Variants in GREB1L observed in about 807,000 individuals in gnomAD.
GREB1L encodes GREB1-like protein.
A neutral mutation model predicts 200.8 loss-of-function variants in GREB1L; 17 were observed. That is an observed-to-expected ratio of 0.08 (90% CI 0.06 to 0.13). GREB1L has a LOEUF of 0.13. GREB1L is among the 10% of genes least tolerant of loss of function. The pLI is 1.00. For missense variants in GREB1L, 1,657 were observed against 2,367.7 expected (o/e 0.70, Z 6.23); for synonymous variants, 789 against 893.0 (o/e 0.88, Z 2.08).
chr18:21,310,935 G>C (rs2144795482), intron 1 of GREB1L, among the ~76,000 whole-genome samples: 1 of 152,318 alleles, frequency 6.6e-6, no homozygotes, highest in South Asian at 2.1e-4. Context: ...CATTATTGTA[G>C]AGGATGAAGT....
At chr18:21,311,004 GA>G (rs2038781454) in intron 1 of GREB1L, among the ~76,000 whole-genome samples, 2 of 152,136 alleles carry the variant, frequency 1.3e-5, no homozygotes, top group Admixed American at 6.5e-5. Context: ...CAAACTTTGA[GA>G]AAACAATATC....
At chr18:21,262,302 A>C (rs2037901922) in intron 1 of GREB1L, among the ~76,000 whole-genome samples, 1 of 152,008 alleles carries the variant, frequency 6.6e-6, no homozygotes. Flanking sequence ...TCCTTCTCCA[A>C]CTTCCTTGCC....
intron 1 of GREB1L, among the ~76,000 whole-genome samples, chr18:21,352,499 T>TGGTGAG (rs2039448389): frequency 6.6e-6 from 1 of 151,106 alleles, no homozygotes; most frequent in East Asian, 1.9e-4. Flanking sequence ...GATGGTGAGA[T>TGGTGAG]CTCGGCTCAC....
At chr18:21,308,702 C>G (rs761424001) in intron 1 of GREB1L, among the ~76,000 whole-genome samples, 62 of 152,366 alleles carry the variant, frequency 4.1e-4, no homozygotes, top group Middle Eastern at 3.4e-3. Context: ...CTGATGCCCA[C>G]TTCCTGAACC....
intron 4 of GREB1L, among the ~76,000 whole-genome samples, chr18:21,392,710 A>G (rs1440095979): frequency 6.6e-6 from 1 of 152,026 alleles, no homozygotes; most frequent in Non-Finnish European, 1.5e-5. Context: ...CCCAAACTAT[A>G]TGGTAAATTT....
At chr18:21,398,184 GACCAT>G (rs1401377447) in intron 5 of GREB1L, among the ~76,000 whole-genome samples, 1 of 152,148 alleles carries the variant, frequency 6.6e-6, no homozygotes. Flanking sequence ...TGAGACCAAA[GACCAT>G]GTGCTTTAGA....
At position 21,490,089 on chromosome 18, in the gene GREB1L, C is replaced by T. The variant is rs1382291794; in HGVS notation, c.2768C>T (p.Thr923Ile). ...QQYSEALMAL[T>I]TMASLRDHST... ...TACTCTGAGGCCCTGATGGCTCTCA[C>T]CACCATGGCGTCACTCCGCGACCAC... The change falls in exon 19 of 33, where the codon ACC becomes ATC. Residue 923 changes from threonine (T) to isoleucine (I), a missense_variant. Coordinates refer to ENST00000424526, the MANE Select transcript of GREB1L (RefSeq NM_001142966.3). 1.9e-6 allele frequency: 3 copies of T among 1,551,808 alleles called. No individual in the cohort carries two copies. Among genetic ancestry groups the T allele is most frequent in the Non-Finnish European group, 2.6e-6 (3 of 1,147,054 alleles).
In GREB1L at chr18:21,500,313, C is replaced by G. The variant is rs770821357; in HGVS notation, c.3969+7C>G. ...GCTGACAGGGCCCCCACAGGTAGGG[C>G]CAAGCCAGCCGGGGCCGTTTCTTAG... On this transcript the variant is annotated splice_region_variant and intron_variant, in intron 22 of 32. Coordinates refer to ENST00000424526, the MANE Select transcript of GREB1L (RefSeq NM_001142966.3). The G allele has an allele frequency of 8.7e-7, 1 of 1,151,022 alleles. No homozygotes were observed. The highest frequency in any genetic ancestry group is 1.3e-5 in the South Asian group (1 of 75,562). 71.3% of individuals were successfully genotyped at this position (1,151,022 alleles called of 1,614,324 possible). A position where few individuals can be genotyped will look rare whatever the true frequency, so the allele number is the denominator to read the frequency against.
At chr18:21,432,743 G>C (rs1406007359) in intron 7 of GREB1L, among the ~76,000 whole-genome samples, 13 of 111,134 alleles carry the variant, frequency 1.2e-4, no homozygotes, top group South Asian at 1.1e-3. Context: ...GTCTCGCTCT[G>C]TCAGCCAGGC....
intron 1 of GREB1L, among the ~76,000 whole-genome samples, chr18:21,272,642 G>A (rs1414261474): frequency 6.6e-6 from 1 of 152,160 alleles, no homozygotes; most frequent in Non-Finnish European, 1.5e-5. Context: ...GACCTCTCCA[G>A]ACAATAAGCA....
At chr18:21,283,805 T>C (rs928095116) in intron 1 of GREB1L, among the ~76,000 whole-genome samples, 2 of 152,242 alleles carry the variant, frequency 1.3e-5, no homozygotes, top group Non-Finnish European at 2.9e-5. Context: ...TCTTGTTCAA[T>C]GGACAAGTTA....
chr18:21,257,168 G>A (rs1304675812), intron 1 of GREB1L, among the ~76,000 whole-genome samples: 10 of 152,092 alleles, frequency 6.6e-5, no homozygotes, highest in Middle Eastern at 3.4e-3. Flanking sequence ...AGATTTCACC[G>A]TGTTAGCCAG....
rs1230472862 is a variant in GREB1L at position 21,522,638 on chromosome 18, TTCTG to T, written c.5609-16_5609-13del. On this transcript the variant is annotated splice_polypyrimidine_tract_variant and intron_variant, in intron 32 of 32. Coordinates refer to ENST00000424526, the MANE Select transcript of GREB1L (RefSeq NM_001142966.3). ...TTCAATCCCTGAGCCTAGGACATAT[TTCTG>T]TCTTTTTTCCTGAAGGTGCTACACT... The T allele has an allele frequency of 3.3e-6, 5 of 1,537,422 alleles. No homozygotes were observed. In the African/African-American group the frequency reaches 4.1e-5, roughly 13 times the overall value.
intron 2 of GREB1L, among the ~76,000 whole-genome samples, chr18:21,374,137 G>A (rs1293374643): frequency 1.3e-5 from 2 of 152,042 alleles, no homozygotes; most frequent in Non-Finnish European, 2.9e-5. Context: ...GAGTAGCTGG[G>A]ACCGCAGGCA....
chr18:21,351,250 T>G (rs1379977828), intron 1 of GREB1L, among the ~76,000 whole-genome samples: 1 of 152,104 alleles, frequency 6.6e-6, no homozygotes, highest in African/African-American at 2.4e-5. Flanking sequence ...TGCTTAACAT[T>G]TTGAAAACTG....
In GREB1L at chr18:21,482,698, T is replaced by C. The variant is rs73960437; in HGVS notation, c.2557-2922T>C. On this transcript the variant is annotated intron_variant, in intron 17 of 32. Transcript: ENST00000424526. ...ATGATCATTGAAGCAGCTGGTGTGGTTAGAATCATGGAAGAAAATAACAAA... is the reference window on the plus strand; with the variant it reads ...ATGATCATTGAAGCAGCTGGTGTGGCTAGAATCATGGAAGAAAATAACAAA... Among the ~76,000 whole-genome samples the C allele has an allele frequency of 9.8e-3, 1,429 of 145,754 alleles. 28 individuals are homozygous for C. The highest frequency in any genetic ancestry group is 0.034 in the African/African-American group (1,340 of 39,602).
At chr18:21,371,466 AT>A (rs5823304) in intron 2 of GREB1L, among the ~76,000 whole-genome samples, 24,133 of 140,864 alleles carry the variant, frequency 0.17, 4,166 homozygotes, top group African/African-American at 0.45. Context: ...CAATGATACA[AT>A]TTTTTTTTTT....
intron 1 of GREB1L, among the ~76,000 whole-genome samples, chr18:21,283,320 C>T (rs2038302391): frequency 6.6e-6 from 1 of 152,070 alleles, no homozygotes; most frequent in Admixed American, 6.5e-5. Context: ...GGCAGGAATT[C>T]TGTGGGAAAA....
At chr18:21,312,848 G>A (rs765690557) in intron 1 of GREB1L, among the ~76,000 whole-genome samples, 7 of 152,090 alleles carry the variant, frequency 4.6e-5, no homozygotes, top group African/African-American at 7.2e-5. Context: ...CACTGCACCC[G>A]GTCCAGTAAT....
Sources: gnomAD v4.1 joint callset for allele counts (sites outside exome capture counted in the v4.1 genomes callset) on GRCh38, gnomAD v4.1.1 for gene constraint, MANE v1.5 for transcripts, NCBI Gene and HGNC (gene_info 2026-07-23, HGNC 2026-07-21) for gene names.